CLPX: variants seen among roughly 807,000 people sequenced by gnomAD.
The protein encoded by CLPX is caseinolytic mitochondrial matrix peptidase chaperone subunit X, also known as ATP-dependent clpX-like chaperone, mitochondrial.
CLPX carries 34 observed loss-of-function variants against 76.4 expected under a neutral mutation model. The observed-to-expected ratio is 0.45, with a 90% confidence interval of 0.34 to 0.59. The LOEUF is 0.59. CLPX is among the 20% of genes least tolerant of loss of function. The pLI is 0.01. For synonymous variants in CLPX, 248 were observed against 270.9 expected, an observed-to-expected ratio of 0.92 and a Z score of 0.83; for missense variants, 613 against 757.0, an observed-to-expected ratio of 0.81 and a Z score of 2.23.
chr15:65,164,322 A>G (rs2087885598), intron 4 of CLPX, 134 bp from the exon 5 acceptor site: 2 of 615,934 alleles, frequency 3.2e-6, no homozygotes, highest in Non-Finnish European at 5.5e-6. Flanking sequence ...CAAAATGACA[A>G]TACATTATAT....
In CLPX at chr15:65,155,744, G is replaced by C; in HGVS notation, c.1259C>G (p.Ser420Cys). ...TCTGTCTAAACCATTGAAAGCACCA[G>C]ATGCCACAAACAGGATGTTTGTTGT... ...VDTTNILFVA[S>C]GAFNGLDRII... The change falls in exon 10 of 14, where the codon TCT becomes TGT. Residue 420 changes from serine (S) to cysteine (C), a missense_variant. Physicochemically the swap from Ser to Cys is moderately radical, Grantham distance 112. This residue lies in a region of CLPX where 450 missense variants were observed against 638.6 expected (regional missense o/e 0.70). Transcript: ENST00000300107. The C allele has an allele frequency of 6.2e-7, 1 of 1,614,040 alleles. No homozygotes were observed. Among genetic ancestry groups the C allele is most frequent in the Non-Finnish European group, 8.5e-7 (1 of 1,179,984 alleles).
intron 3 of CLPX, among the ~76,000 whole-genome samples, chr15:65,173,068 A>G (rs1232152339): frequency 6.6e-6 from 1 of 152,192 alleles, no homozygotes; most frequent in East Asian, 1.9e-4. Flanking sequence ...CTTCATATCC[A>G]CTATGAATAA....
In CLPX at chr15:65,166,753, G is replaced by C; in HGVS notation, c.391C>G (p.His131Asp). ...STRFVKCEKC[H>D]HFFVVLSEAD... The stretch of plus-strand genomic sequence containing the variant: ...TCAGATAGCACAACAAAAAAATGAT[G>C]ACACTTTTCACACTTGACAAAACGG... Residue 131 changes from histidine to aspartate, a missense_variant, in exon 4 of 14, where the codon CAT becomes GAT. Coordinates refer to ENST00000300107, the MANE Select transcript of CLPX (RefSeq NM_006660.5). 6.2e-7 allele frequency: 1 copy of C among 1,613,864 alleles called. No individual in the cohort carries two copies. Among genetic ancestry groups the C allele is most frequent in the Non-Finnish European group, 8.5e-7 (1 of 1,179,914 alleles).
chr15:65,170,333 T>C (rs2087983744), intron 3 of CLPX, among the ~76,000 whole-genome samples: 1 of 151,984 alleles, frequency 6.6e-6, no homozygotes, highest in African/African-American at 2.4e-5. Flanking sequence ...AAAAAAAAAT[T>C]CATGGAATTT....
intron 1 of CLPX, among the ~76,000 whole-genome samples, chr15:65,182,118 C>CAAAA (rs540972406): frequency 2.9e-5 from 2 of 69,124 alleles, no homozygotes; most frequent in Admixed American, 1.8e-4. Context: ...GTCTCCGTCT[C>CAAAA]AAAAAAAAAA....
At chr15:65,153,940 C>T (rs2087755735) in intron 11 of CLPX, among the ~76,000 whole-genome samples, 1 of 152,136 alleles carries the variant, frequency 6.6e-6, no homozygotes, top group Non-Finnish European at 1.5e-5. Flanking sequence ...AAGCAACTTA[C>T]AGTCTATTGT....
chr15:65,170,880 T>TGGC lies in CLPX; in HGVS notation c.359-4098_359-4096dup, dbSNP rs532151881. ...TTCTGTCACCCAGACTGGAGTGCAGTGGCACGATCTGGGCTCACTGCAACC... is the reference window on the plus strand; with the variant it reads ...TTCTGTCACCCAGACTGGAGTGCAGTGGCGGCACGATCTGGGCTCACTGCAACC... On this transcript the variant is annotated intron_variant, in intron 3 of 13. Coordinates refer to ENST00000300107, the MANE Select transcript of CLPX (RefSeq NM_006660.5). 3.6e-3 allele frequency among the ~76,000 whole-genome samples: 492 copies of TGGC among 135,702 alleles called. 3 individuals are homozygous for TGGC. Among genetic ancestry groups the TGGC allele is most frequent in the African/African-American group, 0.013 (471 of 37,654 alleles). 89.0% of individuals were successfully genotyped at this position (135,702 alleles called of 152,430 possible).
intron 13 of CLPX, among the ~76,000 whole-genome samples, chr15:65,151,372 C>T (rs2087717789): frequency 8.1e-6 from 1 of 123,446 alleles, no homozygotes; most frequent in African/African-American, 3.1e-5. Context: ...AAAAAGATTG[C>T]TTAGTAATAT....
At chr15:65,174,407 G>A (rs1025085173) in intron 3 of CLPX, among the ~76,000 whole-genome samples, 4 of 152,010 alleles carry the variant, frequency 2.6e-5, no homozygotes, top group African/African-American at 9.7e-5. Context: ...TGGGATTACA[G>A]GTACGTGCCA....
chr15:65,169,015 G>A (rs1446145420), intron 3 of CLPX, among the ~76,000 whole-genome samples: 1 of 148,424 alleles, frequency 6.7e-6, no homozygotes, highest in Non-Finnish European at 1.5e-5. Context: ...ACGCCACCAC[G>A]CCTGCCTACT....
At position 65,181,001 on chromosome 15, in the gene CLPX, C is replaced by T. The variant is rs141332873; in HGVS notation, c.80-797G>A. Among the ~76,000 whole-genome samples the T allele has an allele frequency of 5.5e-4, 83 of 151,736 alleles. 2 individuals carry two copies. In the East Asian group the frequency reaches 0.014, roughly 26 times the overall value. On this transcript the variant is annotated intron_variant, in intron 1 of 13. Coordinates refer to ENST00000300107, the MANE Select transcript of CLPX (RefSeq NM_006660.5). Reference sequence around the variant, plus strand: ...ATGCCTGTAATCCCAGGGTTCGAGACCAGCCTGGCCAACGTGGTGAAACCC... The same window carrying T: ...ATGCCTGTAATCCCAGGGTTCGAGATCAGCCTGGCCAACGTGGTGAAACCC...
intron 2 of CLPX, 64 bp downstream of exon 2, chr15:65,179,980 G>T: frequency 8.2e-7 from 1 of 1,213,758 alleles, no homozygotes; most frequent in South Asian, 1.8e-5. Context: ...AGACAGTACT[G>T]TTATATTTTT....
intron 1 of CLPX, among the ~76,000 whole-genome samples, chr15:65,181,382 A>T (rs1238213223): frequency 6.6e-6 from 1 of 152,152 alleles, no homozygotes; most frequent in African/African-American, 2.4e-5. Context: ...GCACAGTATC[A>T]ATGTACTTAA....
chr15:65,156,285 T>C (rs2087788739), intron 9 of CLPX, among the ~76,000 whole-genome samples: 2 of 152,198 alleles, frequency 1.3e-5, no homozygotes, highest in South Asian at 2.1e-4. Flanking sequence ...TATTTGGAGA[T>C]GCTTTTATAA....
Position 65,149,529 on chromosome 15 carries a change from A to G in CLPX, c.*1294T>C. ...TTTCTGAAGATTTAAGCCAGACTTC[A>G]ATTCCATGTACTCACCCATAGTACT... On this transcript the variant is annotated 3_prime_UTR_variant, in exon 14 of 14. Coordinates refer to ENST00000300107, the MANE Select transcript of CLPX (RefSeq NM_006660.5). 1 of 433,640 alleles carries G rather than the reference A, an allele frequency of 2.3e-6. No individual in the cohort carries two copies. Among genetic ancestry groups the G allele is most frequent in the Non-Finnish European group, 4.5e-6 (1 of 219,902 alleles). The allele number at this position is 433,640 out of a possible 1,614,324, so 26.9% of individuals were successfully genotyped here.
rs192806014 is a variant in CLPX at position 65,165,201 on chromosome 15, A to G, written c.514-1013T>C. Reference sequence around the variant, plus strand: ...AAATTAGCTGGGCATAGTGGTAGACACCTGCAGTCCCAGCTACTGTGGAGG... The same window carrying G: ...AAATTAGCTGGGCATAGTGGTAGACGCCTGCAGTCCCAGCTACTGTGGAGG... On this transcript the variant is annotated intron_variant, in intron 4 of 13. Transcript: ENST00000300107. Among the ~76,000 whole-genome samples the G allele has an allele frequency of 5.9e-5, 9 of 151,946 alleles. No individual in the cohort carries two copies. In the East Asian group the frequency reaches 9.7e-4, roughly 16 times the overall value.
intron 13 of CLPX, among the ~76,000 whole-genome samples, chr15:65,151,672 G>A (rs538771879): frequency 3.3e-5 from 5 of 152,158 alleles, no homozygotes; most frequent in African/African-American, 1.2e-4. Flanking sequence ...AAAGCCATAC[G>A]TCAATGTCAT....
chr15:65,180,932 G>A (rs1054850517), intron 1 of CLPX, among the ~76,000 whole-genome samples: 28 of 151,084 alleles, frequency 1.9e-4, no homozygotes, highest in Non-Finnish European at 1.5e-4. Context: ...CTGTAACAAT[G>A]GAAACAAACT....
At chr15:65,176,429 TG>T (rs2088092085) in intron 3 of CLPX, among the ~76,000 whole-genome samples, 2 of 152,334 alleles carry the variant, frequency 1.3e-5, no homozygotes. Context: ...TGACCTTGAA[TG>T]AGTTACTTAA....
Sources: gnomAD v4.1 joint callset for allele counts (sites outside exome capture counted in the v4.1 genomes callset) on GRCh38, gnomAD v4.1.1 for gene constraint, gnomAD v4.1.1 regional missense constraint, MANE v1.5 for transcripts, NCBI Gene and HGNC (gene_info 2026-07-23, HGNC 2026-07-21) for gene names.